Variants in FRMPD4 observed in about 807,000 individuals in gnomAD.
FRMPD4 encodes FERM and PDZ domain containing 4.
Under a neutral mutation model 94.1 loss-of-function variants are expected in FRMPD4, and 22 were observed. The ratio of observed to expected loss-of-function variants is 0.23; its 90% CI spans 0.17 to 0.33. The LOEUF (loss-of-function observed/expected upper bound fraction) is 0.33, where lower values mean the gene tolerates loss of function less well. Ranked by LOEUF, FRMPD4 falls within the 10% of genes least tolerant of loss-of-function variation. FRMPD4 has a pLI of 1.00. For missense variants in FRMPD4, 1,111 were observed against 1,339.9 expected (o/e 0.83, Z 2.67); for synonymous variants, 631 against 548.6 (o/e 1.15, Z -2.10).
At chrX:12,577,863 T>TA (rs945715425) in intron 2 of FRMPD4, among the ~76,000 whole-genome samples, 5 of 112,494 alleles carry the variant, frequency 4.4e-5, no homozygotes, top group African/African-American at 1.6e-4. Flanking sequence ...ATTGGGGTCT[T>TA]AGTCAACTTG....
chrX:12,709,982 GC>G (rs1007926173), intron 13 of FRMPD4, among the ~76,000 whole-genome samples: 2 of 110,570 alleles, frequency 1.8e-5, no homozygotes, highest in African/African-American at 6.6e-5. Flanking sequence ...ACAAAAATTA[GC>G]CTGGCGCGGT....
At chrX:11,836,182 T>C (rs2053500358) in intron 1 of FRMPD4, among the ~76,000 whole-genome samples, 5 of 111,475 alleles carry the variant, frequency 4.5e-5, no homozygotes, top group Admixed American at 2.9e-4. Flanking sequence ...GCTATAACCA[T>C]GAATACAACT....
intron 1 of FRMPD4, among the ~76,000 whole-genome samples, chrX:11,863,864 T>C (rs1434982848): frequency 8.9e-6 from 1 of 112,235 alleles, no homozygotes; most frequent in East Asian, 2.8e-4. Flanking sequence ...TAGCTTACAG[T>C]GCTCCTTCTT....
intron 3 of FRMPD4, among the ~76,000 whole-genome samples, chrX:11,912,209 G>A (rs1245335639): frequency 8.9e-6 from 1 of 112,354 alleles, no homozygotes; most frequent in Non-Finnish European, 1.9e-5. Context: ...CAGTTTGAAA[G>A]TTTTGGTGTA....
At chrX:12,458,967 T>C (rs2057363936) in intron 1 of FRMPD4, among the ~76,000 whole-genome samples, 1 of 111,926 alleles carries the variant, frequency 8.9e-6, no homozygotes, top group South Asian at 3.7e-4. Flanking sequence ...AAGCATAAGA[T>C]GAAGTAGAAG....
At chrX:11,830,114 T>C (rs1402505796) in intron 1 of FRMPD4, among the ~76,000 whole-genome samples, 2 of 111,831 alleles carry the variant, frequency 1.8e-5, no homozygotes, top group African/African-American at 6.5e-5. Flanking sequence ...TTAAGAATGC[T>C]GTCAGTGACA....
chrX:12,215,123 C>T (rs1022515607), intron 1 of FRMPD4, among the ~76,000 whole-genome samples: 1 of 111,683 alleles, frequency 9.0e-6, no homozygotes, highest in African/African-American at 3.3e-5. Flanking sequence ...CAAAAATGGT[C>T]GTTTTCTGGG....
intron 1 of FRMPD4, among the ~76,000 whole-genome samples, chrX:12,143,854 A>G (rs2055726100): frequency 8.9e-6 from 1 of 112,557 alleles, no homozygotes; most frequent in Non-Finnish European, 1.9e-5. Context: ...ACTGACCATT[A>G]GAAGTGGACA....
At chrX:11,976,637 A>C (rs1198642525) in intron 3 of FRMPD4, among the ~76,000 whole-genome samples, 1 of 112,643 alleles carries the variant, frequency 8.9e-6, no homozygotes, top group Non-Finnish European at 1.9e-5. Context: ...TAAATATTAG[A>C]TCAGTTGATC....
intron 1 of FRMPD4, among the ~76,000 whole-genome samples, chrX:12,140,688 A>G (rs965223853): frequency 1.8e-5 from 2 of 112,435 alleles, no homozygotes; most frequent in African/African-American, 6.5e-5. Flanking sequence ...TTTAGTCCTT[A>G]AACTTAGGAA....
At chrX:12,589,006 G>GT (rs2058958387) in intron 2 of FRMPD4, among the ~76,000 whole-genome samples, 1 of 111,857 alleles carries the variant, frequency 8.9e-6, no homozygotes, top group African/African-American at 3.2e-5. Context: ...TTTATCTTCA[G>GT]TTTTTATAGA....
At chrX:12,538,521 T>C (rs1381415398) in intron 2 of FRMPD4, among the ~76,000 whole-genome samples, 1 of 111,661 alleles carries the variant, frequency 9.0e-6, no homozygotes. Flanking sequence ...ACGGACAGAC[T>C]GCCTCCTCAA....
chrX:11,902,779 C>T (rs1049534171), intron 3 of FRMPD4, among the ~76,000 whole-genome samples: 1 of 111,100 alleles, frequency 9.0e-6, no homozygotes, highest in Non-Finnish European at 1.9e-5. Flanking sequence ...GGCCTCTTAC[C>T]TCCATTTCAT....
intron 3 of FRMPD4, among the ~76,000 whole-genome samples, chrX:12,073,392 G>A (rs1041310288): frequency 8.9e-6 from 1 of 112,029 alleles, no homozygotes; most frequent in Non-Finnish European, 1.9e-5. Flanking sequence ...CCATGGCTGT[G>A]TGTCCATGAA....
chrX:12,183,734 G>A (rs1197113908), intron 1 of FRMPD4, among the ~76,000 whole-genome samples: 1 of 110,890 alleles, frequency 9.0e-6, no homozygotes, highest in African/African-American at 3.3e-5. Context: ...GCTTTAACAT[G>A]TCTTCCCACT....
chrX:12,559,510 T>G (rs1013464384), intron 2 of FRMPD4, among the ~76,000 whole-genome samples: 14 of 110,109 alleles, frequency 1.3e-4, no homozygotes, highest in African/African-American at 4.6e-4. Context: ...ATTAGCTGGG[T>G]GTGGTGGCAG....
intron 3 of FRMPD4, among the ~76,000 whole-genome samples, chrX:12,077,455 C>G (rs1452184507): frequency 8.9e-6 from 1 of 111,852 alleles, no homozygotes; most frequent in Non-Finnish European, 1.9e-5. Context: ...GAGCTGGAAA[C>G]AGAGAAATCC....
At chrX:12,073,175 A>T (rs1601918652) in intron 3 of FRMPD4, among the ~76,000 whole-genome samples, 1 of 111,348 alleles carries the variant, frequency 9.0e-6, no homozygotes, top group Middle Eastern at 4.6e-3. Flanking sequence ...TTCTTTTAAT[A>T]TAAACAAAAT....
chrX:12,480,596 T>C (rs2057669641), intron 1 of FRMPD4, among the ~76,000 whole-genome samples: 1 of 111,616 alleles, frequency 9.0e-6, no homozygotes, highest in Non-Finnish European at 1.9e-5. Flanking sequence ...TAAAATGAGA[T>C]TGGCCTGGAC....
Sources: allele counts gnomAD v4.1 joint callset (sites outside exome capture counted in the v4.1 genomes callset), GRCh38; gene constraint gnomAD v4.1.1; transcripts MANE v1.5; gene names NCBI Gene and HGNC (gene_info 2026-07-23, HGNC 2026-07-21).